Variants in MPPED1 observed in about 807,000 individuals in gnomAD.
The protein encoded by MPPED1 is metallophosphoesterase domain containing 1, also known as metallophosphoesterase domain-containing protein 1.
In MPPED1, 16 loss-of-function variants were observed where a neutral mutation model predicts 36.2. The ratio of observed to expected loss-of-function variants is 0.44; its 90% CI spans 0.30 to 0.67. The LOEUF is 0.67. MPPED1 is among the 30% of genes least tolerant of loss of function. The probability of loss-of-function intolerance (pLI) is 0.10; values close to 1 mark genes in which losing one functional copy is unlikely to be tolerated. For synonymous variants in MPPED1, 199 were observed against 191.3 expected (o/e 1.04, Z -0.33); for missense variants, 307 against 453.4 (o/e 0.68, Z 2.93).
At chr22:43,497,575 G>A (rs1161933841) in intron 4 of MPPED1, among the ~76,000 whole-genome samples, 1 of 152,010 alleles carries the variant, frequency 6.6e-6, no homozygotes, top group African/African-American at 2.4e-5. Flanking sequence ...AACTGACTAG[G>A]GGGAATATCT....
chr22:43,502,800 C>T lies in MPPED1; in HGVS notation c.862+43C>T. 2 of 1,504,648 alleles carry T rather than the reference C, an allele frequency of 1.3e-6. No individual in the cohort carries two copies. Among genetic ancestry groups the T allele is most frequent in the South Asian group, 2.3e-5 (2 of 88,880 alleles). The allele number at this position is 1,504,648 out of a possible 1,614,324, so 93.2% of individuals were successfully genotyped here. On this transcript the variant is annotated intron_variant, in intron 6 of 6. Coordinates refer to ENST00000443721, the MANE Select transcript of MPPED1 (RefSeq NM_001044370.2). The surrounding 1 kb of genome is among the most constrained non-coding windows in gnomAD (Gnocchi z 5.5). ...ACAGGCACCTCACGGGCTAGGGGCT[C>T]CTAATGGACCCTCCAGCAGGACCTC...
chr22:43,498,566 C>T (rs183059427), intron 5 of MPPED1, among the ~76,000 whole-genome samples: 1 of 152,216 alleles, frequency 6.6e-6, no homozygotes, highest in Non-Finnish European at 1.5e-5. Flanking sequence ...GGGCTCCTCA[C>T]AACAGCACAG....
chr22:43,488,724 C>G (rs1931992093), intron 4 of MPPED1, among the ~76,000 whole-genome samples: 1 of 152,242 alleles, frequency 6.6e-6, no homozygotes, highest in African/African-American at 2.4e-5. Context: ...GTTGTCATGG[C>G]AACTATCATT....
Position 43,506,275 on chromosome 22 carries a change from G to A in MPPED1, c.*659G>A, listed in dbSNP as rs559935825. 3 of 152,750 alleles carry A rather than the reference G, an allele frequency of 2.0e-5. No individual in the cohort carries two copies. The highest frequency in any genetic ancestry group is 4.1e-4 in the South Asian group (2 of 4,828). The allele number at this position is 152,750 out of a possible 1,614,324, so 9.5% of individuals were successfully genotyped here. Reference sequence around the variant, plus strand: ...TGAGTGTCCTAGGCATTCACTCGGAGCCTGGATGATGGGGGCTGGTTCTAC... The same window carrying A: ...TGAGTGTCCTAGGCATTCACTCGGAACCTGGATGATGGGGGCTGGTTCTAC... On this transcript the variant is annotated 3_prime_UTR_variant, in exon 7 of 7. Transcript: ENST00000443721.
At chr22:43,461,182 A>G (rs1930945476) in intron 3 of MPPED1, among the ~76,000 whole-genome samples, 1 of 152,156 alleles carries the variant, frequency 6.6e-6, no homozygotes, top group South Asian at 2.1e-4. Context: ...TGGGCAATAT[A>G]GCGAAACCTC....
At chr22:43,504,065 A>C (rs1213600173) in intron 6 of MPPED1, among the ~76,000 whole-genome samples, 2 of 152,028 alleles carry the variant, frequency 1.3e-5, no homozygotes, top group African/African-American at 4.8e-5. Context: ...TGGTGAGAGG[A>C]TGGTAGTGAT....
chr22:43,499,891 G>T (rs1357088084), intron 5 of MPPED1, among the ~76,000 whole-genome samples: 1 of 38,476 alleles, frequency 2.6e-5, no homozygotes. Flanking sequence ...GTGGTGATGG[G>T]GGTGGTGGTG....
At chr22:43,476,609 T>G (rs138032736) in intron 4 of MPPED1, among the ~76,000 whole-genome samples, 1 of 152,080 alleles carries the variant, frequency 6.6e-6, no homozygotes, top group African/African-American at 2.4e-5. Flanking sequence ...AGGACCTGGT[T>G]TCATCTTGCC....
At chr22:43,500,437 T>C (rs936087132) in intron 5 of MPPED1, among the ~76,000 whole-genome samples, 1 of 142,702 alleles carries the variant, frequency 7.0e-6, no homozygotes, top group Non-Finnish European at 1.6e-5. Flanking sequence ...GAGGTGGTGG[T>C]GGAGGTGGTG....
chr22:43,431,182 C>T (rs984235656), intron 2 of MPPED1, among the ~76,000 whole-genome samples: 7 of 151,788 alleles, frequency 4.6e-5, no homozygotes, highest in South Asian at 2.1e-4. Flanking sequence ...GCTGACACTA[C>T]AGGCGCCTGC....
intron 3 of MPPED1, among the ~76,000 whole-genome samples, chr22:43,458,962 G>A (rs1930850465): frequency 6.6e-6 from 1 of 152,226 alleles, no homozygotes; most frequent in South Asian, 2.1e-4. Context: ...GTGTTTAGGT[G>A]TGGACCTCTT....
intron 5 of MPPED1, among the ~76,000 whole-genome samples, chr22:43,500,771 G>T (rs1182191581): frequency 6.6e-6 from 1 of 152,104 alleles, no homozygotes; most frequent in Non-Finnish European, 1.5e-5. Flanking sequence ...AGGGTAGAGG[G>T]TTCAGGAACA....
chr22:43,480,826 C>CT lies in MPPED1; in HGVS notation c.632+5880dup, dbSNP rs538718282. ...GACTTATTTCTTTTTCTTTTCTTTT[C>CT]TTTTTTTTTTTTTTTGAGATGGAGT... On this transcript the variant is annotated intron_variant, in intron 4 of 6. Coordinates refer to ENST00000443721, the MANE Select transcript of MPPED1 (RefSeq NM_001044370.2). 5.4e-3 allele frequency among the ~76,000 whole-genome samples: 741 copies of CT among 137,824 alleles called. 4 individuals are homozygous for CT. Among genetic ancestry groups the CT allele is most frequent in the African/African-American group, 8.1e-3 (305 of 37,568 alleles). The allele number at this position is 137,824 out of a possible 152,430, so 90.4% of individuals were successfully genotyped here.
intron 3 of MPPED1, among the ~76,000 whole-genome samples, chr22:43,448,246 G>T (rs1014177781): frequency 6.6e-6 from 1 of 152,206 alleles, no homozygotes; most frequent in African/African-American, 2.4e-5. Context: ...CTTCCTGAGA[G>T]AGTGGAGAAG....
In MPPED1 at chr22:43,433,620, C is replaced by A. The variant is rs959623360; in HGVS notation, c.225-1414C>A. Among the ~76,000 whole-genome samples, 9 of 151,632 alleles carry A rather than the reference C, an allele frequency of 5.9e-5. No individual in the cohort carries two copies. The South Asian group carries it at 1.9e-3, about 32-fold the overall frequency. On this transcript the variant is annotated intron_variant, in intron 2 of 6. Coordinates refer to ENST00000443721, the MANE Select transcript of MPPED1 (RefSeq NM_001044370.2). ...AGGGGCCCCGGGTGCGCGCTCCCGC[C>A]GCGGCATCGTGGTGGGGAGAGGCTG...
At chr22:43,463,752 T>G (rs1010443084) in intron 3 of MPPED1, among the ~76,000 whole-genome samples, 3 of 152,138 alleles carry the variant, frequency 2.0e-5, no homozygotes, top group Admixed American at 6.5e-5. Context: ...TTTCTTTTCC[T>G]TGTTTGATTT....
chr22:43,501,684 G>A (rs1489224919), intron 5 of MPPED1, among the ~76,000 whole-genome samples: 1 of 152,146 alleles, frequency 6.6e-6, no homozygotes, highest in African/African-American at 2.4e-5. Flanking sequence ...TGGATGAAAC[G>A]GAGGCACAGA....
At position 43,505,551 on chromosome 22, in the gene MPPED1, A is replaced by G. The variant is rs1425548999; in HGVS notation, c.916A>G (p.Thr306Ala). 6.2e-7 allele frequency: 1 copy of G among 1,612,878 alleles called. No individual in the cohort carries two copies. Among genetic ancestry groups the G allele is most frequent in the Non-Finnish European group, 8.5e-7 (1 of 1,179,524 alleles). Residue 306 changes from threonine (T) to alanine (A), a missense_variant, in exon 7 of 7, where the codon ACT becomes GCT. Around this residue, in one of 3 missense-constraint regions of MPPED1, gnomAD observed 132 missense variants for 212.3 expected, o/e 0.62. Transcript: ENST00000443721. ...CACCTATGTGAATGCGTCCGTATGC[A>G]CTGTGAACTACCAGCCCGTGAACCC... ...TTTYVNASVC[T>A]VNYQPVNPPI...
At chr22:43,459,051 G>A (rs1178960514) in intron 3 of MPPED1, among the ~76,000 whole-genome samples, 1 of 151,960 alleles carries the variant, frequency 6.6e-6, no homozygotes, top group African/African-American at 2.4e-5. Flanking sequence ...GGGAGGTTTT[G>A]CTATTGTTTC....
Sources: allele counts gnomAD v4.1 joint callset (sites outside exome capture counted in the v4.1 genomes callset), GRCh38; gene constraint gnomAD v4.1.1; regional missense constraint gnomAD v4.1.1; non-coding constraint Gnocchi (gnomAD v3.1); transcripts MANE v1.5; gene names NCBI Gene and HGNC (gene_info 2026-07-23, HGNC 2026-07-21).